The following WTAP variants were observed in gnomAD, a reference collection of about 807,000 sequenced individuals.
WTAP encodes pre-mRNA-splicing regulator WTAP.
A neutral mutation model predicts 50.0 loss-of-function variants in WTAP; 8 were observed. That is an observed-to-expected ratio of 0.16 (90% confidence interval 0.09 to 0.29). The LOEUF (loss-of-function observed/expected upper bound fraction) is 0.29. Among genes scored for constraint, WTAP ranks in the 10% least tolerant of loss-of-function variants. WTAP has a pLI of 1.00. For missense variants in WTAP, 295 were observed against 470.7 expected (o/e 0.63, Z 3.45); for synonymous variants, 194 against 169.0 (o/e 1.15, Z -1.15).
Position 159,748,604 on chromosome 6 carries a change from C to T in WTAP, c.452+235C>T, listed in dbSNP as rs1779705945. The T allele has an allele frequency of 1.1e-5, 14 of 1,328,492 alleles. No homozygotes were observed. Among genetic ancestry groups the T allele is most frequent in the Non-Finnish European group, 1.2e-5 (13 of 1,041,872 alleles). 82.3% of individuals were successfully genotyped at this position (1,328,492 alleles called of 1,614,324 possible). A position where few individuals can be genotyped will look rare whatever the true frequency, so the allele number is the denominator to read the frequency against. On this transcript the variant is annotated intron_variant, in intron 6 of 7. Transcript: ENST00000621533. This position sits in a 1 kb window ranked among gnomAD's most constrained non-coding sequence, Gnocchi z 5.6. The stretch of plus-strand genomic sequence containing the variant: ...CCTTGCTTCAGAGGCCTGATGGCGT[C>T]GGACTATTCCGAAGAAGTGGCCACC...
In WTAP at chr6:159,755,405, G is replaced by T. The variant is rs373161821; in HGVS notation, c.985G>T (p.Val329Leu). Residue 329 changes from valine to leucine, a missense_variant, in exon 8 of 8, where the codon GTA becomes TTA. Physicochemically the swap from Val to Leu is conservative, Grantham distance 32 (BLOSUM62 1). Transcript: ENST00000621533. The stretch of plus-strand genomic sequence containing the variant: ...AACTGGCAGAGGAGGTAGTGGTTAC[G>T]TAAATCAACTCAGTGCGGGGTATGA... ...ERTGRGGSGY[V>L]NQLSAGYESV... 1.9e-6 allele frequency: 3 copies of T among 1,614,040 alleles called. No individual in the cohort carries two copies. The African/African-American group carries it at 4.0e-5, about 22-fold the overall frequency.
Position 159,753,802 on chromosome 6 carries a change from C to T in WTAP, c.607+188C>T, listed in dbSNP as rs571936633. Among the ~76,000 whole-genome samples, 6 of 151,928 alleles carry T rather than the reference C, an allele frequency of 3.9e-5. No individual in the cohort carries two copies. The East Asian group carries it at 1.2e-3, about 29-fold the overall frequency. On this transcript the variant is annotated intron_variant, in intron 7 of 7. Transcript: ENST00000621533. ...AGCCATATAATTTTAGTTTGTTTAT[C>T]CCCACCCTCCTAATTCTTTATTGTT...
chr6:159,753,168 A>G (rs188047915), intron 6 of WTAP, among the ~76,000 whole-genome samples: 17 of 152,296 alleles, frequency 1.1e-4, no homozygotes, highest in Admixed American at 6.5e-5. Flanking sequence ...TTCCATTTCA[A>G]ATGATAATTT....
chr6:159,743,582 G>T, intron 4 of WTAP, 83 bp from the exon 5 acceptor site: 5 of 1,291,770 alleles, frequency 3.9e-6, no homozygotes, highest in Non-Finnish European at 5.2e-6. Context: ...TTAATTTTTT[G>T]ACCCTAGTTC....
At position 159,748,422 on chromosome 6, in the gene WTAP, A is replaced by G. The variant is rs1356715636; in HGVS notation, c.452+53A>G. The stretch of plus-strand genomic sequence containing the variant: ...ACTTCCCTGACAGTCCCACTACGAG[A>G]AAGCTGTGGTGGGACAGCCAAGTAC... On this transcript the variant is annotated intron_variant, in intron 6 of 7. Transcript: ENST00000621533. The surrounding 1 kb of genome is among the most constrained non-coding windows in gnomAD (Gnocchi z 5.6). 6.3e-7 allele frequency: 1 copy of G among 1,599,826 alleles called. No homozygotes were observed. The highest frequency in any genetic ancestry group is 1.1e-5 in the South Asian group (1 of 89,284).
chr6:159,742,892 CA>C (rs60309252), intron 4 of WTAP, among the ~76,000 whole-genome samples: 37 of 137,852 alleles, frequency 2.7e-4, no homozygotes, highest in Non-Finnish European at 2.4e-4. Flanking sequence ...CTTGTCTCTA[CA>C]AAAAAAAAAA....
chr6:159,728,451 T>G (rs984928420), intron 1 of WTAP, among the ~76,000 whole-genome samples: 1 of 152,234 alleles, frequency 6.6e-6, no homozygotes, highest in Non-Finnish European at 1.5e-5. Flanking sequence ...TTATTTAGTC[T>G]GGTAGGGAAA....
At chr6:159,728,437 A>AAAC (rs1778358972) in intron 1 of WTAP, among the ~76,000 whole-genome samples, 1 of 152,036 alleles carries the variant, frequency 6.6e-6, no homozygotes, top group African/African-American at 2.4e-5. Context: ...AAACAAAAAA[A>AAAC]CTATTATTTA....
At chr6:159,749,183 T>C in intron 6 of WTAP, 1 of 985,908 alleles carries the variant, frequency 1.0e-6, no homozygotes, top group African/African-American at 1.7e-5. Context: ...AACTTCAGGT[T>C]GAAACTGTTT....
chr6:159,747,136 CTTAGTATGGAGTT>C (rs1779622865), intron 5 of WTAP, among the ~76,000 whole-genome samples: 1 of 152,014 alleles, frequency 6.6e-6, no homozygotes, highest in Admixed American at 6.6e-5. Flanking sequence ...CTATTTAAGC[CTTAGTATGGAGTT>C]AGATCTTGGG....
At chr6:159,744,860 G>C (rs2842978) in intron 5 of WTAP, among the ~76,000 whole-genome samples, 70,920 of 151,936 alleles carry the variant, frequency 0.47, 18,591 homozygotes, top group Non-Finnish European at 0.58. Flanking sequence ...CTTAATTTTT[G>C]TAGAGATGAG....
upstream of WTAP, chr6:159,727,144 C>CCGGGGCCCG: frequency 8.4e-7 from 1 of 1,195,376 alleles, no homozygotes; most frequent in Non-Finnish European, 1.1e-6. Context: ...TTGCTGAGCT[C>CCGGGGCCCG]CGGGGCCCGC....
chr6:159,742,009 G>C, intron 3 of WTAP, 79 bp from the exon 4 acceptor site: 1 of 1,053,124 alleles, frequency 9.5e-7, no homozygotes, highest in Non-Finnish European at 1.4e-6. Context: ...ACTAAAATCT[G>C]TGAGTTTATA....
At chr6:159,727,435 C>T (rs1193297820), upstream of WTAP, 18 of 1,031,308 alleles carry the variant, frequency 1.7e-5, no homozygotes, top group Admixed American at 2.8e-4. Flanking sequence ...GCGTTCGGAC[C>T]GGCTGTGGGG....
At chr6:159,733,415 G>C (rs1163779405) in intron 1 of WTAP, among the ~76,000 whole-genome samples, 1 of 152,022 alleles carries the variant, frequency 6.6e-6, no homozygotes, top group East Asian at 1.9e-4. Context: ...CCAGGAGTTC[G>C]AGACCAGCCT....
chr6:159,737,988 C>T (rs1779024276), intron 2 of WTAP, among the ~76,000 whole-genome samples: 1 of 152,210 alleles, frequency 6.6e-6, no homozygotes, highest in African/African-American at 2.4e-5. Flanking sequence ...ACTGAGCCTG[C>T]TTCATTGTTA....
At chr6:159,731,132 C>A (rs1778541860) in intron 1 of WTAP, among the ~76,000 whole-genome samples, 1 of 151,546 alleles carries the variant, frequency 6.6e-6, no homozygotes, top group Non-Finnish European at 1.5e-5. Context: ...CAGAGAGAGA[C>A]TACGTCTCAA....
intron 5 of WTAP, among the ~76,000 whole-genome samples, chr6:159,745,437 CT>C (rs34144985): frequency 0.015 from 2,101 of 144,560 alleles, 13 homozygotes; most frequent in Non-Finnish European, 0.019. Context: ...CCTTTTCCAG[CT>C]TTTTTTTTTT....
intron 1 of WTAP, among the ~76,000 whole-genome samples, chr6:159,734,802 T>C (rs1778803989): frequency 6.6e-6 from 1 of 152,190 alleles, no homozygotes; most frequent in African/African-American, 2.4e-5. Flanking sequence ...AGAATTTTTA[T>C]ATAAAGATTT....
Sources: gnomAD v4.1 joint callset for allele counts (sites outside exome capture counted in the v4.1 genomes callset) on GRCh38, gnomAD v4.1.1 for gene constraint, Gnocchi (gnomAD v3.1) non-coding constraint, MANE v1.5 for transcripts, NCBI Gene and HGNC (gene_info 2026-07-23, HGNC 2026-07-21) for gene names.